KCNK13: variants seen among roughly 807,000 people sequenced by gnomAD.
KCNK13 encodes the protein potassium channel subfamily K member 13.
Under a neutral mutation model 23.4 loss-of-function variants are expected in KCNK13, and 12 were observed. The observed-to-expected ratio is 0.51, with a 90% CI of 0.33 to 0.83. KCNK13 has a LOEUF of 0.83. Ranked by LOEUF, KCNK13 falls within the 40% of genes least tolerant of loss-of-function variation. KCNK13 has a pLI of 0.02. For missense variants in KCNK13, 463 were observed against 556.3 expected, an observed-to-expected ratio of 0.83 and a Z score of 1.69; for synonymous variants, 231 against 229.5, an observed-to-expected ratio of 1.01 and a Z score of -0.06.
intron 1 of KCNK13, among the ~76,000 whole-genome samples, chr14:90,134,665 A>G (rs1596792973): frequency 6.6e-6 from 1 of 152,342 alleles, no homozygotes; most frequent in African/African-American, 2.4e-5. Context: ...GATAGATTAC[A>G]TTATAATCTC....
At chr14:90,102,393 T>C (rs1383704323) in intron 1 of KCNK13, among the ~76,000 whole-genome samples, 1 of 152,146 alleles carries the variant, frequency 6.6e-6, no homozygotes, top group African/African-American at 2.4e-5. Context: ...GATGTAAAAT[T>C]GAAGCTTAGA....
intron 1 of KCNK13, among the ~76,000 whole-genome samples, chr14:90,182,564 G>A (rs546505130): frequency 4.6e-5 from 7 of 152,252 alleles, no homozygotes; most frequent in African/African-American, 1.2e-4. Flanking sequence ...GCTTATGCCC[G>A]TAATCCCAGT....
intron 1 of KCNK13, among the ~76,000 whole-genome samples, chr14:90,127,817 T>TAAAAA (rs35453411): frequency 1.2e-5 from 1 of 85,126 alleles, no homozygotes; most frequent in East Asian, 3.5e-4. Flanking sequence ...AGATGCTATC[T>TAAAAA]AAAAAAAAAA....
intron 1 of KCNK13, among the ~76,000 whole-genome samples, chr14:90,106,598 A>G (rs1889546434): frequency 1.3e-5 from 2 of 152,144 alleles, no homozygotes; most frequent in Admixed American, 1.3e-4. Flanking sequence ...TTATGATACT[A>G]TCATGAAATT....
intron 1 of KCNK13, among the ~76,000 whole-genome samples, chr14:90,129,488 T>C (rs1889842092): frequency 6.6e-6 from 1 of 152,202 alleles, no homozygotes; most frequent in Non-Finnish European, 1.5e-5. Flanking sequence ...GCATTTTTCA[T>C]AAGCTTCCAG....
chr14:90,075,382 G>C (rs1889122493), intron 1 of KCNK13, among the ~76,000 whole-genome samples: 1 of 152,146 alleles, frequency 6.6e-6, no homozygotes, highest in Non-Finnish European at 1.5e-5. Flanking sequence ...CTCTGGAAAT[G>C]CTTCTTTAAA....
At chr14:90,124,099 C>T (rs1038335136) in intron 1 of KCNK13, among the ~76,000 whole-genome samples, 1 of 152,178 alleles carries the variant, frequency 6.6e-6, no homozygotes, top group African/African-American at 2.4e-5. Flanking sequence ...TGCTTTCTGC[C>T]CAGCAAACAA....
At chr14:90,069,271 G>A (rs1315415829) in intron 1 of KCNK13, among the ~76,000 whole-genome samples, 3 of 151,966 alleles carry the variant, frequency 2.0e-5, no homozygotes, top group South Asian at 2.1e-4. Flanking sequence ...TCCTGACCTC[G>A]TGATCTGCCC....
At chr14:90,155,310 G>A (rs1409090207) in intron 1 of KCNK13, among the ~76,000 whole-genome samples, 11 of 152,202 alleles carry the variant, frequency 7.2e-5, no homozygotes, top group Non-Finnish European at 1.6e-4. Context: ...GAGCCAAAGA[G>A]ACTGAGTGAA....
At chr14:90,089,885 G>C (rs1889322253) in intron 1 of KCNK13, among the ~76,000 whole-genome samples, 1 of 152,240 alleles carries the variant, frequency 6.6e-6, no homozygotes, top group Non-Finnish European at 1.5e-5. Flanking sequence ...TGAGCCTGCA[G>C]GTGCACAGAA....
chr14:90,119,453 T>C (rs900922586), intron 1 of KCNK13, among the ~76,000 whole-genome samples: 2 of 152,192 alleles, frequency 1.3e-5, no homozygotes, highest in Non-Finnish European at 2.9e-5. Context: ...CACGATCAAG[T>C]AGGCTTTATT....
chr14:90,185,771 T>C lies in KCNK13; in HGVS notation c.*768T>C, dbSNP rs1890543343. 6.6e-6 allele frequency: 1 copy of C among 152,182 alleles called. No individual in the cohort carries two copies. Among genetic ancestry groups the C allele is most frequent in the Non-Finnish European group, 1.5e-5 (1 of 68,040 alleles). 9.4% of individuals were successfully genotyped at this position (152,182 alleles called of 1,614,324 possible). A position where few individuals can be genotyped will look rare whatever the true frequency, so the allele number is the denominator to read the frequency against. ...TTGAATGGTCACACAGACCATTTCA[T>C]TTTTACCAGGGCTTGGGGACCCAAT... On this transcript the variant is annotated 3_prime_UTR_variant, in exon 2 of 2. Transcript: ENST00000282146.
At chr14:90,108,882 T>C (rs1889577956) in intron 1 of KCNK13, among the ~76,000 whole-genome samples, 1 of 152,106 alleles carries the variant, frequency 6.6e-6, no homozygotes, top group Non-Finnish European at 1.5e-5. Context: ...CTTTGAAAAC[T>C]AAGAATCCCT....
chr14:90,086,795 A>C (rs1344131558), intron 1 of KCNK13, among the ~76,000 whole-genome samples: 1 of 152,156 alleles, frequency 6.6e-6, no homozygotes, highest in Non-Finnish European at 1.5e-5. Flanking sequence ...TGACTGCAGG[A>C]GTTCTTAAGC....
chr14:90,088,086 T>C (rs1363756761), intron 1 of KCNK13, among the ~76,000 whole-genome samples: 1 of 152,174 alleles, frequency 6.6e-6, no homozygotes, highest in Non-Finnish European at 1.5e-5. Flanking sequence ...CACTGCAACC[T>C]CCACCTCCTG....
chr14:90,087,144 AT>A (rs1566949171), intron 1 of KCNK13, among the ~76,000 whole-genome samples: 1 of 114,276 alleles, frequency 8.8e-6, no homozygotes, highest in African/African-American at 3.6e-5. Context: ...ATATATATAT[AT>A]ATATATATAT....
intron 1 of KCNK13, among the ~76,000 whole-genome samples, chr14:90,085,128 G>A (rs1039668397): frequency 6.6e-6 from 1 of 151,654 alleles, no homozygotes; most frequent in Non-Finnish European, 1.5e-5. Flanking sequence ...ATTTTTAGTA[G>A]AGATGGGGTT....
intron 1 of KCNK13, among the ~76,000 whole-genome samples, chr14:90,109,088 C>A (rs8014593): frequency 5.9e-5 from 9 of 151,450 alleles, no homozygotes; most frequent in African/African-American, 1.9e-4. Context: ...GAGGCAGGAG[C>A]ATGGCGTGAA....
chr14:90,146,567 C>T (rs1432249705), intron 1 of KCNK13, among the ~76,000 whole-genome samples: 1 of 152,162 alleles, frequency 6.6e-6, no homozygotes, highest in East Asian at 1.9e-4. Context: ...CCACCCACCT[C>T]AGCCTCCCAA....
Sources: gnomAD v4.1 joint callset for allele counts (sites outside exome capture counted in the v4.1 genomes callset) on GRCh38, gnomAD v4.1.1 for gene constraint, MANE v1.5 for transcripts, NCBI Gene and HGNC (gene_info 2026-07-23, HGNC 2026-07-21) for gene names.